The following RSL1D1 variants were observed in gnomAD, a reference collection of about 807,000 sequenced individuals.
The protein encoded by RSL1D1 is ribosomal L1 domain containing 1, also known as ribosomal L1 domain-containing protein 1.
Under a neutral mutation model 44.6 loss-of-function variants are expected in RSL1D1, and 34 were observed. The ratio of observed to expected loss-of-function variants is 0.76; its 90% CI spans 0.58 to 1.02. The LOEUF (loss-of-function observed/expected upper bound fraction) is 1.02. Ranked by LOEUF, RSL1D1 falls within the 50% of genes least tolerant of loss-of-function variation. RSL1D1 has a pLI of 0.00. For missense variants in RSL1D1, 767 were observed against 568.1 expected (o/e 1.35, Z -3.56); for synonymous variants, 271 against 207.4 (o/e 1.31, Z -2.63).
Position 11,837,529 on chromosome 16 carries a change from T to G in RSL1D1, c.*258A>C. 3.1e-6 allele frequency: 1 copy of G among 325,748 alleles called. No homozygotes were observed. Among genetic ancestry groups the G allele is most frequent in the East Asian group, 5.8e-5 (1 of 17,306 alleles). 20.2% of individuals were successfully genotyped at this position (325,748 alleles called of 1,614,324 possible). A position where few individuals can be genotyped will look rare whatever the true frequency, so the allele number is the denominator to read the frequency against. On this transcript the variant is annotated 3_prime_UTR_variant, in exon 9 of 9. Coordinates refer to ENST00000571133, the MANE Select transcript of RSL1D1 (RefSeq NM_015659.3). ...CCATGCCCAATTAATTTTTGTATTTTTGGTACAGACAGGGTTTCACCATGT... is the reference window on the plus strand; with the variant it reads ...CCATGCCCAATTAATTTTTGTATTTGTGGTACAGACAGGGTTTCACCATGT...
Position 11,837,842 on chromosome 16 carries a change from G to A in RSL1D1, c.1418C>T (p.Ala473Val), listed in dbSNP as rs1596437079. The change falls in exon 9 of 9, where the codon GCT (alanine) becomes GTT (valine). Residue 473 changes from alanine to valine, a missense_variant. Physicochemically the swap from Ala to Val is moderately conservative, Grantham distance 64 (BLOSUM62 0). Coordinates refer to ENST00000571133, the MANE Select transcript of RSL1D1 (RefSeq NM_015659.3). ...GGGCCATTTTTTGGGGGTGTGGGAAGCTTTTCTCACAGATTTACTAGGAGT... is the reference window on the plus strand; with the variant it reads ...GGGCCATTTTTTGGGGGTGTGGGAAACTTTTCTCACAGATTTACTAGGAGT... ...FTTPSKSVRK[A>V]SHTPKKWPKK... is the part of the protein sequence containing the mutation. 1 of 1,613,570 alleles carries A rather than the reference G, an allele frequency of 6.2e-7. No individual in the cohort carries two copies. Among genetic ancestry groups the A allele is most frequent in the Middle Eastern group, 1.7e-4 (1 of 6,060 alleles).
At chr16:11,841,671 G>T (rs760681381) in intron 7 of RSL1D1, 24 bp downstream of exon 7, 2 of 1,597,684 alleles carry the variant, frequency 1.3e-6, no homozygotes, top group South Asian at 1.1e-5. Context: ...TATTCATTCT[G>T]TAAGTATTTA....
At position 11,840,696 on chromosome 16, in the gene RSL1D1, G is replaced by A. The variant is rs990206249; in HGVS notation, c.856-711C>T. Among the ~76,000 whole-genome samples the A allele has an allele frequency of 4.3e-4, 65 of 152,168 alleles. 2 individuals carry two copies. The highest frequency in any genetic ancestry group is 3.9e-4 in the Admixed American group (6 of 15,264). On this transcript the variant is annotated intron_variant, in intron 7 of 8. Transcript: ENST00000571133. The stretch of plus-strand genomic sequence containing the variant: ...CCGAAAGCTTCTTTTGCTAGAGTAC[G>A]AGTAATACTGAAAACCTACAAACCA...
chr16:11,846,195 A>G (rs905984067), intron 5 of RSL1D1, among the ~76,000 whole-genome samples: 2 of 151,636 alleles, frequency 1.3e-5, no homozygotes, highest in Non-Finnish European at 2.9e-5. Context: ...GATCGAGATC[A>G]TCCTGGCTAA....
At chr16:11,849,631 AG>A (rs1357903134) in intron 2 of RSL1D1, among the ~76,000 whole-genome samples, 1 of 152,212 alleles carries the variant, frequency 6.6e-6, no homozygotes, top group Non-Finnish European at 1.5e-5. Flanking sequence ...AATAAATTGT[AG>A]CCCCAAAGAA....
intron 5 of RSL1D1, among the ~76,000 whole-genome samples, chr16:11,844,818 A>G (rs1463860528): frequency 6.6e-6 from 1 of 152,212 alleles, no homozygotes; most frequent in African/African-American, 2.4e-5. Context: ...ACTTCATAAA[A>G]TGTATTTTCA....
rs1015027664 is a variant in RSL1D1, at chr16:11,834,474, G to T, written c.*3313C>A. On this transcript the variant is annotated 3_prime_UTR_variant, in exon 9 of 9. Transcript: ENST00000571133. ...GTCATGTTCAACAAGACTGAACTAC[G>T]GAGCAAAGAATCACACAGTGTTGCA... 6.6e-6 allele frequency: 1 copy of T among 152,192 alleles called. No individual in the cohort carries two copies. The highest frequency in any genetic ancestry group is 1.9e-4 in the East Asian group (1 of 5,210). 9.4% of individuals were successfully genotyped at this position (152,192 alleles called of 1,614,324 possible).
In RSL1D1 at chr16:11,836,938, T is replaced by G. The variant is rs2053724779; in HGVS notation, c.*849A>C. 2 of 152,224 alleles carry G rather than the reference T, an allele frequency of 1.3e-5. No homozygotes were observed. The highest frequency in any genetic ancestry group is 4.8e-5 in the African/African-American group (2 of 41,456). The allele number at this position is 152,224 out of a possible 1,614,324, so 9.4% of individuals were successfully genotyped here. The stretch of plus-strand genomic sequence containing the variant: ...AGACCTCAAGTCAGACCCACTGATT[T>G]GGAAAGCCAACAGTATACTCAGAAG... On this transcript the variant is annotated 3_prime_UTR_variant, in exon 9 of 9. Coordinates refer to ENST00000571133, the MANE Select transcript of RSL1D1 (RefSeq NM_015659.3).
Position 11,834,957 on chromosome 16 carries a change from A to G in RSL1D1, c.*2830T>C, listed in dbSNP as rs999852103. On this transcript the variant is annotated 3_prime_UTR_variant, in exon 9 of 9. Transcript: ENST00000571133. The stretch of plus-strand genomic sequence containing the variant: ...GAAAACCCATCTCTACGCAAGACGT[A>G]AAAACTGGCCAGCTGTGATGGCATG... 3 of 152,170 alleles carry G rather than the reference A, an allele frequency of 2.0e-5. No individual in the cohort carries two copies. Among genetic ancestry groups the G allele is most frequent in the African/African-American group, 7.2e-5 (3 of 41,428 alleles). The allele number at this position is 152,170 out of a possible 1,614,324, so 9.4% of individuals were successfully genotyped here. A position where few individuals can be genotyped will look rare whatever the true frequency, so the allele number is the denominator to read the frequency against.
chr16:11,838,498 T>C (rs1049632724), intron 8 of RSL1D1, among the ~76,000 whole-genome samples: 1 of 152,048 alleles, frequency 6.6e-6, no homozygotes, highest in Non-Finnish European at 1.5e-5. Flanking sequence ...CAAGTTACTG[T>C]TTTTATTAGT....
chr16:11,851,351 G>GC, intron 1 of RSL1D1, 57 bp downstream of exon 1: 1 of 1,520,488 alleles, frequency 6.6e-7, no homozygotes, highest in South Asian at 1.1e-5. Context: ...GGCACCCTGC[G>GC]CCTCACGAGG....
intron 2 of RSL1D1, among the ~76,000 whole-genome samples, chr16:11,849,989 G>C (rs1219138720): frequency 1.3e-5 from 2 of 152,078 alleles, no homozygotes; most frequent in Non-Finnish European, 2.9e-5. Flanking sequence ...CATCATGCCT[G>C]GCTAATTTTT....
chr16:11,849,756 C>A (rs2053823962), intron 2 of RSL1D1, among the ~76,000 whole-genome samples: 1 of 152,226 alleles, frequency 6.6e-6, no homozygotes, highest in South Asian at 2.1e-4. Context: ...ATTCAACAGA[C>A]CTGATTACGT....
In RSL1D1 at chr16:11,851,537, G is replaced by A. The variant is rs912845529; in HGVS notation, c.-25C>T. ...TCTTGTTTCCACCTCGTGAAGAGGCGCGTGTGCAACCCCACTGCTGGCTTC... is the reference window on the plus strand; with the variant it reads ...TCTTGTTTCCACCTCGTGAAGAGGCACGTGTGCAACCCCACTGCTGGCTTC... On this transcript the variant is annotated 5_prime_UTR_variant, in exon 1 of 9. Transcript: ENST00000571133. 1.9e-6 allele frequency: 3 copies of A among 1,607,130 alleles called. No homozygotes were observed. The highest frequency in any genetic ancestry group is 2.2e-5 in the East Asian group (1 of 44,808).
At chr16:11,842,059 G>A in intron 5 of RSL1D1, 59 bp from the exon 6 acceptor site, 4 of 1,219,000 alleles carry the variant, frequency 3.3e-6, no homozygotes, top group South Asian at 2.7e-5. Flanking sequence ...AAATAAACCA[G>A]GCAGGTATAT....
At chr16:11,847,834 G>C (rs748072297) in intron 2 of RSL1D1, 28 bp from the exon 3 acceptor site, 1 of 1,607,724 alleles carries the variant, frequency 6.2e-7, no homozygotes, top group Non-Finnish European at 8.5e-7. Context: ...AGAAACCGAG[G>C]AAAGCATTAT....
In RSL1D1 at chr16:11,834,495, T is replaced by C. The variant is rs2053703600; in HGVS notation, c.*3292A>G. On this transcript the variant is annotated 3_prime_UTR_variant, in exon 9 of 9. Coordinates refer to ENST00000571133, the MANE Select transcript of RSL1D1 (RefSeq NM_015659.3). ...CTACGGAGCAAAGAATCACACAGTGTTGCAAGATCTTGAACTGACTAGATG... is the reference window on the plus strand; with the variant it reads ...CTACGGAGCAAAGAATCACACAGTGCTGCAAGATCTTGAACTGACTAGATG... 1 of 152,204 alleles carries C rather than the reference T, an allele frequency of 6.6e-6. No individual in the cohort carries two copies. The highest frequency in any genetic ancestry group is 1.5e-5 in the Non-Finnish European group (1 of 68,032). 9.4% of individuals were successfully genotyped at this position (152,204 alleles called of 1,614,324 possible).
intron 1 of RSL1D1, among the ~76,000 whole-genome samples, chr16:11,850,679 T>C (rs537997645): frequency 2.3e-4 from 35 of 152,298 alleles, no homozygotes; most frequent in African/African-American, 8.4e-4. Flanking sequence ...CCTCTTCTAC[T>C]TAAAGAGATT....
chr16:11,847,611 C>A, intron 3 of RSL1D1, 57 bp downstream of exon 3: 2 of 1,394,944 alleles, frequency 1.4e-6, no homozygotes, highest in Admixed American at 2.1e-5. Context: ...TTTGTGATAC[C>A]ATTTCGCCTG....
Sources: gnomAD v4.1 joint callset for allele counts (sites outside exome capture counted in the v4.1 genomes callset) on GRCh38, gnomAD v4.1.1 for gene constraint, MANE v1.5 for transcripts, NCBI Gene and HGNC (gene_info 2026-07-23, HGNC 2026-07-21) for gene names.